The following CHIC1 variants were observed in gnomAD, a reference collection of about 807,000 sequenced individuals.
CHIC1 encodes cysteine-rich hydrophobic domain-containing protein 1.
A neutral mutation model predicts 18.5 loss-of-function variants in CHIC1; 7 were observed. The ratio of observed to expected loss-of-function variants is 0.38; its 90% CI spans 0.22 to 0.71. The LOEUF is 0.71. Ranked by LOEUF, CHIC1 falls within the 30% of genes least tolerant of loss-of-function variation. The probability of loss-of-function intolerance (pLI) is 0.49; values close to 1 mark genes in which losing one functional copy is unlikely to be tolerated. For synonymous variants in CHIC1, 77 were observed against 73.5 expected, an observed-to-expected ratio of 1.05 and a Z score of -0.25; for missense variants, 159 against 176.9, an observed-to-expected ratio of 0.90 and a Z score of 0.57.
chrX:73,586,051 G>C (rs2057551590), intron 3 of CHIC1, among the ~76,000 whole-genome samples: 1 of 111,118 alleles, frequency 9.0e-6, no homozygotes, highest in African/African-American at 3.3e-5. Context: ...AGCCCACTCT[G>C]TTTTTAAACA....
chrX:73,679,230 A>G (rs1451893874), intron 3 of CHIC1, 96 bp from the exon 4 acceptor site: 1 of 522,223 alleles, frequency 1.9e-6, no homozygotes, highest in African/African-American at 2.4e-5. Context: ...AGGAGATAGT[A>G]ATGGGATGTT....
At chrX:73,577,500 C>G (rs765003646) in intron 2 of CHIC1, 39 bp downstream of exon 2, 12 of 1,025,292 alleles carry the variant, frequency 1.2e-5, no homozygotes, top group Middle Eastern at 2.6e-4. Flanking sequence ...AGTTCTAAAG[C>G]ATTGTTTTAT....
intron 3 of CHIC1, among the ~76,000 whole-genome samples, chrX:73,675,668 G>A (rs2058058099): frequency 1.8e-5 from 2 of 111,671 alleles, no homozygotes; most frequent in African/African-American, 6.5e-5. Flanking sequence ...ACACTGACGA[G>A]TCTTGACTCT....
At position 73,660,418 on chromosome X, in the gene CHIC1, G is replaced by A. The variant is rs572689036; in HGVS notation, c.508-18908G>A. On this transcript the variant is annotated intron_variant, in intron 3 of 5. Transcript: ENST00000373502. ...TGCCCAGGTGACAGGGCGGAAGAAA[G>A]GCGGATGCAAGGTATGAGCCCAATA... is the stretch of plus-strand genomic sequence containing the variant. Among the ~76,000 whole-genome samples, 23 of 112,196 alleles carry A rather than the reference G, an allele frequency of 2.0e-4. No individual in the cohort carries two copies. In the South Asian group the frequency reaches 8.6e-3, roughly 42 times the overall value.
In CHIC1 at chrX:73,604,428, C is replaced by CT. The variant is rs1264586662; in HGVS notation, c.507+19857dup. 1.5e-4 allele frequency among the ~76,000 whole-genome samples: 16 copies of CT among 107,816 alleles called. 1 individual carries two copies. Among genetic ancestry groups the CT allele is most frequent in the African/African-American group, 5.8e-4 (16 of 27,622 alleles). 93.6% of individuals were successfully genotyped at this position (107,816 alleles called of 115,157 possible). On this transcript the variant is annotated intron_variant, in intron 3 of 5. Transcript: ENST00000373502. Reference sequence around the variant, plus strand: ...CTTTTTTATTAGTCTGGCTAGCGGTCTATTTTGTTAATCTTTTCAAAAAAC... The same window carrying CT: ...CTTTTTTATTAGTCTGGCTAGCGGTCTTATTTTGTTAATCTTTTCAAAAAAC...
At chrX:73,674,411 TCC>T (rs1569505722) in intron 3 of CHIC1, among the ~76,000 whole-genome samples, 11 of 111,921 alleles carry the variant, frequency 9.8e-5, no homozygotes, top group Non-Finnish European at 1.9e-4. Flanking sequence ...CAATGTCAGA[TCC>T]TGTTATTTGT....
Position 73,681,858 on chromosome X carries a change from C to T in CHIC1, c.*853C>T, listed in dbSNP as rs1346536826. ...AACCATGACCTTTATTTTTCCATTT[C>T]GTTTAATAATTTCCATTTTGTTGTC... On this transcript the variant is annotated 3_prime_UTR_variant, in exon 6 of 6. Transcript: ENST00000373502. 8.9e-6 allele frequency: 1 copy of T among 111,963 alleles called. No homozygotes were observed. The highest frequency in any genetic ancestry group is 1.9e-5 in the Non-Finnish European group (1 of 52,832). The allele number at this position is 111,963 out of a possible 1,213,427, so 9.2% of individuals were successfully genotyped here. A position where few individuals can be genotyped will look rare whatever the true frequency, so the allele number is the denominator to read the frequency against.
At chrX:73,596,507 C>A (rs1375049524) in intron 3 of CHIC1, among the ~76,000 whole-genome samples, 1 of 111,693 alleles carries the variant, frequency 9.0e-6, no homozygotes, top group Non-Finnish European at 1.9e-5. Flanking sequence ...TGACTTTCTT[C>A]ACAGAATTAG....
At chrX:73,674,328 C>T (rs188728382) in intron 3 of CHIC1, among the ~76,000 whole-genome samples, 16 of 111,966 alleles carry the variant, frequency 1.4e-4, no homozygotes, top group African/African-American at 4.5e-4. Context: ...CTCTTTCTAC[C>T]TCTGGTAGAA....
Position 73,563,357 on chromosome X carries a change from G to A in CHIC1, c.73G>A (p.Ala25Thr), listed in dbSNP as rs1335016778. ...ACTGGAGGAGGAGGAGGAAGAAGAA[G>A]CGGCAACGTCGTCGTCGTCGCCGTC... The part of the protein sequence containing the change: ...SELEEEEEEE[A>T]ATSSSSPSSS... The change falls in exon 1 of 6, where the codon GCG (alanine) becomes ACG (threonine). Residue 25 changes from alanine to threonine, a missense_variant. Transcript: ENST00000373502. The A allele has an allele frequency of 8.7e-7, 1 of 1,152,417 alleles. No individual in the cohort carries two copies. Among genetic ancestry groups the A allele is most frequent in the Non-Finnish European group, 1.2e-6 (1 of 866,125 alleles). 95.0% of individuals were successfully genotyped at this position (1,152,417 alleles called of 1,213,427 possible). A position where few individuals can be genotyped will look rare whatever the true frequency, so the allele number is the denominator to read the frequency against.
chrX:73,678,369 G>T (rs2058081284), intron 3 of CHIC1, among the ~76,000 whole-genome samples: 1 of 112,357 alleles, frequency 8.9e-6, no homozygotes, highest in Non-Finnish European at 1.9e-5. Context: ...CCATGGGTGG[G>T]CCATGCAGGT....
intron 3 of CHIC1, among the ~76,000 whole-genome samples, chrX:73,674,588 A>G (rs1226425535): frequency 9.0e-6 from 1 of 111,147 alleles, no homozygotes; most frequent in Non-Finnish European, 1.9e-5. Flanking sequence ...TATCCCCTTT[A>G]TCATTTTTTA....
intron 3 of CHIC1, among the ~76,000 whole-genome samples, chrX:73,597,216 G>A (rs893263756): frequency 1.7e-4 from 19 of 111,568 alleles, no homozygotes; most frequent in African/African-American, 6.2e-4. Context: ...TTGTGATTTC[G>A]ACATACATTT....
At chrX:73,585,070 A>G (rs200907132) in intron 3 of CHIC1, among the ~76,000 whole-genome samples, 2 of 111,704 alleles carry the variant, frequency 1.8e-5, no homozygotes, top group African/African-American at 6.5e-5. Context: ...AAAATTTCAC[A>G]TTAGTTTTTG....
At chrX:73,663,139 G>A (rs1057394189) in intron 3 of CHIC1, among the ~76,000 whole-genome samples, 2 of 111,744 alleles carry the variant, frequency 1.8e-5, no homozygotes, top group African/African-American at 6.5e-5. Context: ...CCCTGTTGAA[G>A]GGGTCCCATA....
intron 3 of CHIC1, among the ~76,000 whole-genome samples, chrX:73,646,298 A>T (rs2057889135): frequency 8.9e-6 from 1 of 111,826 alleles, no homozygotes; most frequent in Non-Finnish European, 1.9e-5. Context: ...TTTGATTTTT[A>T]TAGCTTTGTA....
At chrX:73,640,520 C>T (rs368079459) in intron 3 of CHIC1, among the ~76,000 whole-genome samples, 5 of 110,948 alleles carry the variant, frequency 4.5e-5, no homozygotes, top group African/African-American at 1.6e-4. Context: ...CCAACTGATT[C>T]AGTTTCAGAA....
intron 3 of CHIC1, among the ~76,000 whole-genome samples, chrX:73,600,842 A>C (rs1169998067): frequency 9.3e-6 from 1 of 107,491 alleles, no homozygotes; most frequent in Non-Finnish European, 1.9e-5. Flanking sequence ...ACATAGGCTC[A>C]AAATAAAGGG....
intron 3 of CHIC1, among the ~76,000 whole-genome samples, chrX:73,672,408 C>G (rs1233969238): frequency 2.7e-5 from 3 of 111,602 alleles, no homozygotes; most frequent in Non-Finnish European, 3.8e-5. Context: ...GTTCCTATTT[C>G]TCCACATCCT....
Sources: allele counts gnomAD v4.1 joint callset (sites outside exome capture counted in the v4.1 genomes callset), GRCh38; gene constraint gnomAD v4.1.1; transcripts MANE v1.5; gene names NCBI Gene and HGNC (gene_info 2026-07-23, HGNC 2026-07-21).